The following BCR variants were observed in gnomAD, a reference collection of about 807,000 sequenced individuals.
The protein encoded by BCR is breakpoint cluster region protein.
BCR carries 58 observed loss-of-function variants against 138.6 expected under a neutral mutation model. The ratio of observed to expected loss-of-function variants is 0.42; its 90% CI spans 0.34 to 0.52. The LOEUF (loss-of-function observed/expected upper bound fraction) is 0.52, where lower values mean the gene tolerates loss of function less well. BCR is among the 20% of genes least tolerant of loss of function. The pLI is 0.06. For missense variants in BCR, 1,599 were observed against 1,727.2 expected (o/e 0.93, Z 1.32); for synonymous variants, 786 against 730.1 (o/e 1.08, Z -1.23).
chr22:23,216,906 G>A (rs2072760342), intron 1 of BCR: 2 of 311,852 alleles, frequency 6.4e-6, no homozygotes, highest in South Asian at 4.7e-5. Flanking sequence ...CTGAGGCCTG[G>A]GCTATGGAAC....
At chr22:23,183,282 C>T (rs1346683762) in intron 1 of BCR, among the ~76,000 whole-genome samples, 1 of 152,086 alleles carries the variant, frequency 6.6e-6, no homozygotes, top group Non-Finnish European at 1.5e-5. Flanking sequence ...GAGTCCTGGT[C>T]CCTGTTAAGC....
At position 23,315,132 on chromosome 22, in the gene BCR, G is replaced by T. The variant is rs534367042; in HGVS notation, c.3727-301G>T. On this transcript the variant is annotated intron_variant, in intron 22 of 22. Coordinates refer to ENST00000305877, the MANE Select transcript of BCR (RefSeq NM_004327.4). ...CTAGGTATCTGGGAGGCTGACACAG[G>T]AGGATTTCTTGAGCCCAGGAGTTAG... Among the ~76,000 whole-genome samples the T allele has an allele frequency of 3.3e-3, 497 of 152,276 alleles. 2 individuals carry two copies. Among genetic ancestry groups the T allele is most frequent in the Non-Finnish European group, 5.2e-3 (351 of 68,008 alleles).
chr22:23,238,530 G>A (rs562873188), intron 1 of BCR, among the ~76,000 whole-genome samples: 1 of 152,200 alleles, frequency 6.6e-6, no homozygotes, highest in Admixed American at 6.5e-5. Context: ...GGAGCTCAGG[G>A]TATGTTGGTT....
intron 3 of BCR, 97 bp downstream of exon 3, chr22:23,261,151 C>T (rs1326936651): frequency 5.2e-6 from 7 of 1,341,276 alleles, no homozygotes; most frequent in Non-Finnish European, 7.3e-6. Flanking sequence ...GCTGTCAGAG[C>T]CTGGGTGCAG....
rs1279914085 is a variant in BCR at position 23,181,965 on chromosome 22, T to C, written c.1005T>C (p.Asn335=). The C allele has an allele frequency of 1.2e-5, 19 of 1,612,804 alleles. No homozygotes were observed. The East Asian group carries it at 4.2e-4, about 36-fold the overall frequency. The part of the protein sequence containing the change: ...GGGYTPDCSS[N]ENLTSSEEDF... ...GCTATACCCCGGACTGCAGCTCCAA[T>C]GAGAACCTCACCTCCAGCGAGGAGG... Residue 335 remains asparagine (N), a synonymous_variant, in exon 1 of 23, where the codon AAT becomes AAC. Coordinates refer to ENST00000305877, the MANE Select transcript of BCR (RefSeq NM_004327.4).
intron 1 of BCR, among the ~76,000 whole-genome samples, chr22:23,234,342 G>C (rs143099325): frequency 6.6e-6 from 1 of 152,200 alleles, no homozygotes; most frequent in African/African-American, 2.4e-5. Context: ...CTGGGCCCTG[G>C]GGTGGCCCCA....
intron 1 of BCR, among the ~76,000 whole-genome samples, chr22:23,238,877 G>A (rs763601863): frequency 1.3e-5 from 2 of 149,618 alleles, no homozygotes; most frequent in African/African-American, 2.5e-5. Context: ...CAAGGGGGGT[G>A]GGGGGCAGGT....
chr22:23,191,393 C>T (rs2072412303), intron 1 of BCR, among the ~76,000 whole-genome samples: 3 of 152,220 alleles, frequency 2.0e-5, no homozygotes, highest in Admixed American at 2.0e-4. Flanking sequence ...TCATGGAAAT[C>T]CTTTCTTCCT....
At chr22:23,243,052 T>C (rs1372307998) in intron 1 of BCR, 3 of 295,824 alleles carry the variant, frequency 1.0e-5, no homozygotes, top group East Asian at 9.8e-5. Context: ...CAGTGTGATA[T>C]TGTGATATAA....
Position 23,314,696 on chromosome 22 carries a change from C to T in BCR, c.3708C>T (p.Ser1236=), listed in dbSNP as rs765753490. Residue 1236 remains serine (S), a synonymous_variant, in exon 22 of 23, where the codon TCC becomes TCT. Transcript: ENST00000305877. ...SQPITMTDSW[S]LEVMSQVQVL... is the part of the protein sequence containing the mutation. ...CTATCACCATGACTGACAGCTGGTC[C>T]TTGGAGGTCATGTCCCAGGTATGGG... 3 of 1,611,984 alleles carry T rather than the reference C, an allele frequency of 1.9e-6. No homozygotes were observed. The highest frequency in any genetic ancestry group is 2.7e-5 in the African/African-American group (2 of 74,974).
chr22:23,291,065 G>A (rs131678), intron 14 of BCR: 113,630 of 152,786 alleles, frequency 0.74, 42,619 homozygotes, highest in East Asian at 0.97. Flanking sequence ...AAGATTAGCC[G>A]GGCTAGGCAG....
chr22:23,230,474 A>C (rs181336785), intron 1 of BCR, among the ~76,000 whole-genome samples: 24 of 152,276 alleles, frequency 1.6e-4, no homozygotes, highest in Admixed American at 6.5e-4. Context: ...CCCCGCCCCA[A>C]CAGGGCTAAG....
At chr22:23,211,064 C>A (rs559620363) in intron 1 of BCR, among the ~76,000 whole-genome samples, 4 of 152,328 alleles carry the variant, frequency 2.6e-5, no homozygotes, top group African/African-American at 9.6e-5. Flanking sequence ...CTCTCCCCAT[C>A]CCCTTCTTCT....
At chr22:23,255,059 G>T (rs2146268950) in intron 2 of BCR, among the ~76,000 whole-genome samples, 1 of 152,252 alleles carries the variant, frequency 6.6e-6, no homozygotes, top group African/African-American at 2.4e-5. Flanking sequence ...TAAATAAAAA[G>T]AGCAAGAGAG....
chr22:23,226,189 A>G (rs1017023338), intron 1 of BCR, among the ~76,000 whole-genome samples: 14 of 152,216 alleles, frequency 9.2e-5, no homozygotes, highest in African/African-American at 2.4e-4. Flanking sequence ...TCCATTATGT[A>G]TGAATCAAGA....
At chr22:23,233,510 A>G (rs2072982449) in intron 1 of BCR, among the ~76,000 whole-genome samples, 1 of 152,200 alleles carries the variant, frequency 6.6e-6, no homozygotes, top group Admixed American at 6.5e-5. Flanking sequence ...AGAAGAGGCC[A>G]GGCATGGAGG....
At chr22:23,299,871 C>T (rs1443326490) in intron 16 of BCR, among the ~76,000 whole-genome samples, 2 of 152,184 alleles carry the variant, frequency 1.3e-5, no homozygotes, top group Non-Finnish European at 2.9e-5. Flanking sequence ...CCACGCTGTG[C>T]ATGTGCCCAG....
chr22:23,305,628 A>T (rs1463826157), intron 16 of BCR, among the ~76,000 whole-genome samples: 2 of 152,014 alleles, frequency 1.3e-5, no homozygotes, highest in Non-Finnish European at 2.9e-5. Flanking sequence ...CCTGGGATGG[A>T]TGTGCACGAT....
chr22:23,313,866 T>C (rs1602137601), intron 20 of BCR, 102 bp from the exon 21 acceptor site: 1 of 930,596 alleles, frequency 1.1e-6, no homozygotes, highest in South Asian at 1.3e-5. Context: ...ATGACGAGCC[T>C]GGGCTGTGCA....
Sources: gnomAD v4.1 joint callset for allele counts (sites outside exome capture counted in the v4.1 genomes callset) on GRCh38, gnomAD v4.1.1 for gene constraint, MANE v1.5 for transcripts, NCBI Gene and HGNC (gene_info 2026-07-23, HGNC 2026-07-21) for gene names.